The following STXBP5 variants were observed in gnomAD, a reference collection of about 807,000 sequenced individuals.
The protein encoded by STXBP5 is syntaxin binding protein 5, also known as syntaxin-binding protein 5.
STXBP5 carries 50 observed loss-of-function variants against 152.4 expected under a neutral mutation model. The ratio of observed to expected loss-of-function variants is 0.33; its 90% CI spans 0.26 to 0.42. STXBP5 has a LOEUF of 0.42. Ranked by LOEUF, STXBP5 falls within the 10% of genes least tolerant of loss-of-function variation. The pLI is 1.00. For missense variants in STXBP5, 1,167 were observed against 1,388.6 expected (o/e 0.84, Z 2.54); for synonymous variants, 492 against 494.7 (o/e 0.99, Z 0.07).
At chr6:147,318,147 C>G (rs1423125801) in intron 16 of STXBP5, among the ~76,000 whole-genome samples, 2 of 152,194 alleles carry the variant, frequency 1.3e-5, no homozygotes, top group Non-Finnish European at 2.9e-5. Context: ...ACATTAAATT[C>G]TTTTCCTACC....
intron 8 of STXBP5, among the ~76,000 whole-genome samples, chr6:147,287,242 G>A (rs569276157): frequency 2.2e-4 from 24 of 111,448 alleles, no homozygotes; most frequent in Non-Finnish European, 3.0e-4. Context: ...TCGCTCTGTC[G>A]CCCAGGCTGG....
chr6:147,241,339 A>G (rs1181235040), intron 4 of STXBP5, among the ~76,000 whole-genome samples: 1 of 152,200 alleles, frequency 6.6e-6, no homozygotes, highest in African/African-American at 2.4e-5. Context: ...TTTGTGTTGA[A>G]CAATTCTATG....
chr6:147,291,658 CTA>C (rs1245828332), intron 9 of STXBP5, among the ~76,000 whole-genome samples: 1 of 151,880 alleles, frequency 6.6e-6, no homozygotes, highest in African/African-American at 2.4e-5. Context: ...TTGATTGTCA[CTA>C]TATGAATTAC....
intron 2 of STXBP5, among the ~76,000 whole-genome samples, chr6:147,219,019 T>C (rs1777323744): frequency 6.6e-6 from 1 of 152,192 alleles, no homozygotes; most frequent in Non-Finnish European, 1.5e-5. Context: ...TATCCTTGCC[T>C]TGTTTCTGAT....
At chr6:147,282,347 G>A (rs1287234282) in intron 8 of STXBP5, among the ~76,000 whole-genome samples, 2 of 152,126 alleles carry the variant, frequency 1.3e-5, no homozygotes, top group Non-Finnish European at 2.9e-5. Flanking sequence ...AAGGTGATAG[G>A]TCCCTTTAAT....
rs367715315 is a variant in STXBP5 at position 147,364,139 on chromosome 6, T to C, written c.3054T>C (p.Tyr1018=). ...CTACAGAAATCCAGAGACTTACTTA[T>C]AGTCAAGAGACCTGTGAAAATCTTC... The part of the protein sequence containing the change: ...VSPTEIQRLT[Y]SQETCENLQE... Residue 1018 remains tyrosine, a synonymous_variant, in exon 25 of 28, where the codon TAT becomes TAC. Transcript: ENST00000321680. 8.2e-5 allele frequency: 133 copies of C among 1,613,232 alleles called. No individual in the cohort carries two copies. The highest frequency in any genetic ancestry group is 1.6e-4 in the Middle Eastern group (1 of 6,080).
chr6:147,214,949 A>G (rs1777084573), intron 2 of STXBP5, among the ~76,000 whole-genome samples: 1 of 152,222 alleles, frequency 6.6e-6, no homozygotes, highest in Non-Finnish European at 1.5e-5. Context: ...TTCAGTAAGG[A>G]TCATAGGGTG....
chr6:147,268,925 A>G (rs1013309822), intron 7 of STXBP5, among the ~76,000 whole-genome samples: 6 of 152,196 alleles, frequency 3.9e-5, no homozygotes, highest in Admixed American at 6.5e-5. Context: ...AGTTCTTGGA[A>G]CATGAAGAGG....
At chr6:147,245,299 G>A (rs1352502335) in intron 4 of STXBP5, among the ~76,000 whole-genome samples, 4 of 152,104 alleles carry the variant, frequency 2.6e-5, no homozygotes, top group African/African-American at 9.7e-5. Context: ...CAGGATGCAA[G>A]ATGGAATTTT....
At chr6:147,350,592 G>A (rs1784545491) in intron 21 of STXBP5, among the ~76,000 whole-genome samples, 2 of 152,162 alleles carry the variant, frequency 1.3e-5, no homozygotes, top group South Asian at 4.1e-4. Flanking sequence ...GCTTATTATA[G>A]TGGTGCATTG....
intron 2 of STXBP5, among the ~76,000 whole-genome samples, chr6:147,221,764 T>C (rs1777474540): frequency 6.6e-6 from 1 of 151,852 alleles, no homozygotes; most frequent in Non-Finnish European, 1.5e-5. Context: ...TTAGCATTTA[T>C]TCTGCTTGGT....
At chr6:147,360,147 A>G (rs1004824549) in intron 23 of STXBP5, among the ~76,000 whole-genome samples, 1 of 152,156 alleles carries the variant, frequency 6.6e-6, no homozygotes, top group Non-Finnish European at 1.5e-5. Context: ...TCAGGAAACA[A>G]CAGGTGCTGG....
chr6:147,228,271 T>C (rs1777829091), intron 2 of STXBP5, among the ~76,000 whole-genome samples: 1 of 152,178 alleles, frequency 6.6e-6, no homozygotes, highest in African/African-American at 2.4e-5. Flanking sequence ...TAAAAGTCTT[T>C]GTTCTATAAT....
intron 21 of STXBP5, among the ~76,000 whole-genome samples, chr6:147,347,981 T>C (rs2128403329): frequency 6.6e-6 from 1 of 152,330 alleles, no homozygotes; most frequent in South Asian, 2.1e-4. Flanking sequence ...TGTATACTTT[T>C]CTGTATTATT....
intron 2 of STXBP5, among the ~76,000 whole-genome samples, chr6:147,207,059 A>T (rs1225605611): frequency 6.6e-6 from 1 of 152,150 alleles, no homozygotes; most frequent in African/African-American, 2.4e-5. Context: ...AAGAAAAGAA[A>T]TATACGATAG....
At chr6:147,225,451 G>A (rs1777662367) in intron 2 of STXBP5, among the ~76,000 whole-genome samples, 1 of 152,078 alleles carries the variant, frequency 6.6e-6, no homozygotes, top group African/African-American at 2.4e-5. Flanking sequence ...AATTGAATAT[G>A]TCCCTTCTGT....
At chr6:147,358,720 T>C (rs1314716910) in intron 22 of STXBP5, among the ~76,000 whole-genome samples, 5 of 152,104 alleles carry the variant, frequency 3.3e-5, no homozygotes, top group African/African-American at 1.2e-4. Flanking sequence ...TAAAGTAGGC[T>C]AGAGAAAAGA....
At chr6:147,342,928 C>T (rs1031346126) in intron 21 of STXBP5, among the ~76,000 whole-genome samples, 5 of 152,030 alleles carry the variant, frequency 3.3e-5, no homozygotes, top group Admixed American at 6.6e-5. Flanking sequence ...AGATTTCTAG[C>T]TGGAACCCAT....
In STXBP5 at chr6:147,387,801, G is replaced by A. The variant is rs1159915518; in HGVS notation, c.*3046G>A. ...GAACGAAGCAATTTTTTTTTTTTTGGCTTAGAACTTCTTAATTGTAGGTTC... is the reference window on the plus strand; with the variant it reads ...GAACGAAGCAATTTTTTTTTTTTTGACTTAGAACTTCTTAATTGTAGGTTC... On this transcript the variant is annotated 3_prime_UTR_variant, in exon 28 of 28. Transcript: ENST00000321680. 6.7e-6 allele frequency: 1 copy of A among 148,944 alleles called. No individual in the cohort carries two copies. Among genetic ancestry groups the A allele is most frequent in the Admixed American group, 6.7e-5 (1 of 15,022 alleles). 9.2% of individuals were successfully genotyped at this position (148,944 alleles called of 1,614,324 possible).
Sources: allele counts gnomAD v4.1 joint callset (sites outside exome capture counted in the v4.1 genomes callset), GRCh38; gene constraint gnomAD v4.1.1; transcripts MANE v1.5; gene names NCBI Gene and HGNC (gene_info 2026-07-23, HGNC 2026-07-21).